ROBO2: variants seen among roughly 807,000 people sequenced by gnomAD.
ROBO2 encodes the protein roundabout guidance receptor 2, also known as roundabout homolog 2.
A neutral mutation model predicts 160.8 loss-of-function variants in ROBO2; 53 were observed. The observed-to-expected ratio is 0.33, with a 90% CI of 0.26 to 0.41. The LOEUF (loss-of-function observed/expected upper bound fraction) is 0.41, where lower values mean the gene tolerates loss of function less well. Ranked by LOEUF, ROBO2 falls within the 10% of genes least tolerant of loss-of-function variation. ROBO2 has a pLI of 1.00. For missense variants in ROBO2, 1,577 were observed against 1,722.4 expected, an observed-to-expected ratio of 0.92 and a Z score of 1.49; for synonymous variants, 664 against 611.7, an observed-to-expected ratio of 1.09 and a Z score of -1.26.
intron 2 of ROBO2, among the ~76,000 whole-genome samples, chr3:77,370,538 G>A (rs958800672): frequency 2.0e-5 from 3 of 152,128 alleles, no homozygotes; most frequent in African/African-American, 4.8e-5. Flanking sequence ...GAGTGTATTG[G>A]GTTATCCAGT....
At chr3:76,287,401 T>G (rs1000841405) in intron 2 of ROBO2, among the ~76,000 whole-genome samples, 4 of 151,734 alleles carry the variant, frequency 2.6e-5, no homozygotes, top group African/African-American at 9.7e-5. Flanking sequence ...GTTCAAGCAA[T>G]TCTCCTGCCT....
intron 2 of ROBO2, among the ~76,000 whole-genome samples, chr3:76,616,216 A>G (rs1168540552): frequency 1.3e-5 from 2 of 152,222 alleles, no homozygotes; most frequent in African/African-American, 4.8e-5. Context: ...CAAATTCACT[A>G]CCTTACCACT....
intron 2 of ROBO2, among the ~76,000 whole-genome samples, chr3:76,481,594 C>T (rs1449324306): frequency 6.6e-6 from 1 of 152,156 alleles, no homozygotes; most frequent in Non-Finnish European, 1.5e-5. Context: ...AGCAATATCT[C>T]TTAAAGTTTG....
At chr3:77,277,810 A>G (rs1412380178) in intron 2 of ROBO2, among the ~76,000 whole-genome samples, 1 of 152,180 alleles carries the variant, frequency 6.6e-6, no homozygotes, top group Non-Finnish European at 1.5e-5. Context: ...TCCTTTGGGT[A>G]TATACCCAGT....
At chr3:76,591,809 T>G (rs1553819061) in intron 2 of ROBO2, among the ~76,000 whole-genome samples, 2 of 152,114 alleles carry the variant, frequency 1.3e-5, no homozygotes, top group Non-Finnish European at 2.9e-5. Context: ...ATTTTATTTT[T>G]ACTGTTTTAA....
At chr3:77,309,127 A>G (rs1436551632) in intron 2 of ROBO2, among the ~76,000 whole-genome samples, 1 of 151,174 alleles carries the variant, frequency 6.6e-6, no homozygotes, top group Non-Finnish European at 1.5e-5. Flanking sequence ...ATTTATAGCT[A>G]GGATTGAGAA....
At chr3:77,284,570 T>C (rs2060457054) in intron 2 of ROBO2, among the ~76,000 whole-genome samples, 1 of 152,158 alleles carries the variant, frequency 6.6e-6, no homozygotes, top group South Asian at 2.1e-4. Context: ...ACTACATTAC[T>C]GTAGTCTGTT....
Position 77,648,425 on chromosome 3 carries a change from C to T in ROBO2, c.*2370C>T, listed in dbSNP as rs886058889. On this transcript the variant is annotated 3_prime_UTR_variant, in exon 26 of 26. Coordinates refer to ENST00000461745, the Ensembl canonical transcript of ROBO2. ...TGTGTGCAGATGACTTTTGGAATAA[C>T]GTGGGCATAGCATCATACCTTCCTG... is the stretch of plus-strand genomic sequence containing the variant. The T allele has an allele frequency of 6.6e-6, 1 of 152,122 alleles. No homozygotes were observed. The highest frequency in any genetic ancestry group is 1.5e-5 in the Non-Finnish European group (1 of 68,028). 9.4% of individuals were successfully genotyped at this position (152,122 alleles called of 1,614,324 possible). A position where few individuals can be genotyped will look rare whatever the true frequency, so the allele number is the denominator to read the frequency against.
intron 2 of ROBO2, among the ~76,000 whole-genome samples, chr3:77,030,454 A>C (rs972800157): frequency 2.6e-5 from 4 of 152,340 alleles, no homozygotes; most frequent in Middle Eastern, 3.4e-3. Context: ...TGGTATGTAC[A>C]AAGTTTCCTA....
At chr3:76,892,155 C>A (rs2074397216) in intron 2 of ROBO2, among the ~76,000 whole-genome samples, 1 of 152,074 alleles carries the variant, frequency 6.6e-6, no homozygotes, top group African/African-American at 2.4e-5. Flanking sequence ...AGGTAAGAAG[C>A]GTCCTGCAGG....
rs151083909 is a variant in ROBO2 at position 77,589,103 on chromosome 3, G to A, written c.2683+170G>A. On this transcript the variant is annotated intron_variant, in intron 17 of 25. Coordinates refer to ENST00000461745, the Ensembl canonical transcript of ROBO2. ...TTTAATGCATTGCTCTTGACCTATC[G>A]CTTTATAACCATAAGGCAGTCTGTT... 1.4e-4 allele frequency among the ~76,000 whole-genome samples: 21 copies of A among 152,158 alleles called. 1 individual carries two copies. Among genetic ancestry groups the A allele is most frequent in the African/African-American group, 4.3e-4 (18 of 41,538 alleles).
intron 2 of ROBO2, among the ~76,000 whole-genome samples, chr3:76,009,545 GT>G: frequency 6.6e-6 from 1 of 152,180 alleles, no homozygotes. Context: ...GGGGTAGCAT[GT>G]TTTTATTTGT....
chr3:76,156,083 T>A (rs2072395196), intron 2 of ROBO2, among the ~76,000 whole-genome samples: 1 of 136,886 alleles, frequency 7.3e-6, no homozygotes, highest in Admixed American at 7.5e-5. Context: ...TTTTTGACAA[T>A]TTTTTTTTTG....
At chr3:76,014,735 C>T (rs2066354729) in intron 2 of ROBO2, among the ~76,000 whole-genome samples, 1 of 152,272 alleles carries the variant, frequency 6.6e-6, no homozygotes. Context: ...CAAGATCAGC[C>T]TGGGCAACAG....
At chr3:76,134,078 G>C (rs570446186) in intron 2 of ROBO2, among the ~76,000 whole-genome samples, 1 of 151,956 alleles carries the variant, frequency 6.6e-6, no homozygotes, top group Non-Finnish European at 1.5e-5. Flanking sequence ...TACTTTTTCC[G>C]TTTTAGTAAA....
At chr3:76,073,088 G>A (rs1019004623) in intron 2 of ROBO2, among the ~76,000 whole-genome samples, 2 of 151,800 alleles carry the variant, frequency 1.3e-5, no homozygotes, top group Admixed American at 1.3e-4. Context: ...ATGAAGGTGA[G>A]TAGTCTGATC....
chr3:77,040,429 T>C, exon 1 of ROBO2: 2 of 1,058,056 alleles, frequency 1.9e-6, no homozygotes, highest in Non-Finnish European at 2.3e-6. Flanking sequence ...CTTCATCATC[T>C]TGACTTCTGA....
intron 4 of ROBO2, among the ~76,000 whole-genome samples, chr3:77,482,077 A>G (rs1490276673): frequency 6.6e-6 from 1 of 152,198 alleles, no homozygotes; most frequent in Non-Finnish European, 1.5e-5. Context: ...AGACCCACAC[A>G]TGCACACACA....
At chr3:77,277,169 T>TTTCTTTC (rs1560408073) in intron 2 of ROBO2, among the ~76,000 whole-genome samples, 4 of 95,236 alleles carry the variant, frequency 4.2e-5, no homozygotes, top group South Asian at 3.9e-4. Flanking sequence ...TCTTTCTTTC[T>TTTCTTTC]TTCTTTCTTT....
Sources: allele counts gnomAD v4.1 joint callset (sites outside exome capture counted in the v4.1 genomes callset), GRCh38; gene constraint gnomAD v4.1.1; transcripts MANE v1.5; gene names NCBI Gene and HGNC (gene_info 2026-07-23, HGNC 2026-07-21).